Variants in BBS5 observed in about 807,000 individuals in gnomAD.
The protein encoded by BBS5 is Bardet-Biedl syndrome 5.
BBS5 carries 39 observed loss-of-function variants against 50.2 expected under a neutral mutation model. The ratio of observed to expected loss-of-function variants is 0.78; its 90% CI spans 0.60 to 1.01. The LOEUF is 1.01. Among genes scored for constraint, BBS5 ranks in the 50% least tolerant of loss-of-function variants. The probability of loss-of-function intolerance (pLI) is 0.00; values close to 1 mark genes in which losing one functional copy is unlikely to be tolerated. For synonymous variants in BBS5, 134 were observed against 133.1 expected (o/e 1.01, Z -0.05); for missense variants, 356 against 401.5 (o/e 0.89, Z 0.97).
At chr2:169,494,972 G>A (rs1477253110) in intron 7 of BBS5, among the ~76,000 whole-genome samples, 1 of 152,058 alleles carries the variant, frequency 6.6e-6, no homozygotes, top group Non-Finnish European at 1.5e-5. Context: ...CCCTATTTTT[G>A]GCTAAATTGT....
rs1234634465 is a variant in BBS5 at position 169,505,157 on chromosome 2, G to C, written c.*575G>C. 1.4e-5 allele frequency: 9 copies of C among 638,432 alleles called. No homozygotes were observed. The highest frequency in any genetic ancestry group is 2.5e-5 in the Non-Finnish European group (9 of 360,250). 39.5% of individuals were successfully genotyped at this position (638,432 alleles called of 1,614,324 possible). On this transcript the variant is annotated 3_prime_UTR_variant, in exon 12 of 12. Coordinates refer to ENST00000295240, the MANE Select transcript of BBS5 (RefSeq NM_152384.3). Reference sequence around the variant, plus strand: ...TTTTTGGTGGAGACGGGGTTTCGCTGTGTTGGCCGGGCTGGTCTCCAGCTC... The same window carrying C: ...TTTTTGGTGGAGACGGGGTTTCGCTCTGTTGGCCGGGCTGGTCTCCAGCTC...
At chr2:169,502,554 C>T (rs547363736) in intron 9 of BBS5, among the ~76,000 whole-genome samples, 1 of 152,112 alleles carries the variant, frequency 6.6e-6, no homozygotes, top group Non-Finnish European at 1.5e-5. Context: ...AAATTATAAA[C>T]CCTTTGTGAG....
At chr2:169,488,226 T>C (rs1683518955) in intron 5 of BBS5, 112 bp downstream of exon 5, 2 of 1,005,162 alleles carry the variant, frequency 2.0e-6, no homozygotes, top group Non-Finnish European at 3.1e-6. Context: ...GAAGACAGTT[T>C]TTCCACGAAT....
Position 169,492,936 on chromosome 2 carries a change from A to G in BBS5, c.449A>G (p.Lys150Arg), listed in dbSNP as rs1214512447. 1.9e-6 allele frequency: 3 copies of G among 1,612,734 alleles called. No homozygotes were observed. Among genetic ancestry groups the G allele is most frequent in the Non-Finnish European group, 2.5e-6 (3 of 1,178,882 alleles). Residue 150 changes from lysine (K) to arginine (R), a missense_variant, in exon 6 of 12, where the codon AAG becomes AGG. Coordinates refer to ENST00000295240, the MANE Select transcript of BBS5 (RefSeq NM_152384.3). ...FKLRSALIQN[K>R]QLRLLPQEHV... ...TTAAGAAGTGCACTAATTCAGAACA[A>G]GCAACTAAGACTGTTGCCACAAGAA... is the stretch of plus-strand genomic sequence containing the variant.
At chr2:169,490,567 T>A (rs1408796212) in intron 5 of BBS5, among the ~76,000 whole-genome samples, 1 of 152,172 alleles carries the variant, frequency 6.6e-6, no homozygotes, top group Non-Finnish European at 1.5e-5. Flanking sequence ...ATTGCAAATA[T>A]TATTTTTAGT....
intron 2 of BBS5, among the ~76,000 whole-genome samples, chr2:169,485,004 T>C (rs1683464962): frequency 1.3e-5 from 2 of 152,002 alleles, no homozygotes. Flanking sequence ...ATCCTAGAGA[T>C]TGTAGGAGAT....
At chr2:169,492,217 C>T (rs992855847) in intron 5 of BBS5, among the ~76,000 whole-genome samples, 7 of 151,876 alleles carry the variant, frequency 4.6e-5, no homozygotes, top group Non-Finnish European at 1.0e-4. Flanking sequence ...AGGGGCTGGG[C>T]ATGGTGGCTC....
chr2:169,487,588 G>T (rs1683508044), intron 3 of BBS5, among the ~76,000 whole-genome samples: 1 of 151,400 alleles, frequency 6.6e-6, no homozygotes, highest in Non-Finnish European at 1.5e-5. Flanking sequence ...CCTTTTTCCT[G>T]TGTTATATTT....
chr2:169,479,501 C>T lies in BBS5; in HGVS notation c.-53C>T. On this transcript the variant is annotated 5_prime_UTR_variant, in exon 1 of 12. The change creates a new upstream start codon in the 5' untranslated region. Transcript: ENST00000295240. ...GCCCGTTGCCTTGGAGCCAGAGAGA[C>T]GCAGCTAGGCCTGCACGGCTGTGGA... 2 of 1,601,566 alleles carry T rather than the reference C, an allele frequency of 1.2e-6. No individual in the cohort carries two copies. Among genetic ancestry groups the T allele is most frequent in the East Asian group, 2.2e-5 (1 of 44,736 alleles).
intron 5 of BBS5, among the ~76,000 whole-genome samples, chr2:169,491,323 T>C (rs1482910757): frequency 1.3e-5 from 2 of 152,192 alleles, no homozygotes; most frequent in Non-Finnish European, 2.9e-5. Context: ...ATAGCATAAA[T>C]AGTTTCTATT....
chr2:169,506,193 C>A lies in BBS5; in HGVS notation c.*1611C>A, dbSNP rs1247130441. 1 of 153,862 alleles carries A rather than the reference C, an allele frequency of 6.5e-6. No homozygotes were observed. The highest frequency in any genetic ancestry group is 1.4e-5 in the Non-Finnish European group (1 of 70,364). The allele number at this position is 153,862 out of a possible 1,614,324, so 9.5% of individuals were successfully genotyped here. ...GGAGGGAGGTGGGGGGGTCAGCCCCCCGCCCGGCCAGCCGCCCCGTCCGGG... is the reference window on the plus strand; with the variant it reads ...GGAGGGAGGTGGGGGGGTCAGCCCCACGCCCGGCCAGCCGCCCCGTCCGGG... On this transcript the variant is annotated 3_prime_UTR_variant, in exon 12 of 12. Coordinates refer to ENST00000295240, the MANE Select transcript of BBS5 (RefSeq NM_152384.3).
intron 1 of BBS5, 44 bp from the exon 2 acceptor site, chr2:169,482,207 G>T (rs1312075374): frequency 1.7e-6 from 2 of 1,191,588 alleles, no homozygotes; most frequent in African/African-American, 1.5e-5. Context: ...TTGCAAGCAG[G>T]TATAGTTGTA....
In BBS5 at chr2:169,499,595, G is replaced by T. The variant is rs1574342816; in HGVS notation, c.791G>T (p.Gly264Val). 6.2e-7 allele frequency: 1 copy of T among 1,613,928 alleles called. No individual in the cohort carries two copies. Among genetic ancestry groups the T allele is most frequent in the East Asian group, 2.2e-5 (1 of 44,836 alleles). The change falls in exon 9 of 12, where the codon GGA becomes GTA. Residue 264 changes from glycine to valine, a missense_variant. Physicochemically the swap from Gly to Val is moderately radical, Grantham distance 109 (BLOSUM62 -3). Coordinates refer to ENST00000295240, the MANE Select transcript of BBS5 (RefSeq NM_152384.3). ...GTCTATTCTGCCAGTCCCATATTTG[G>T]AGTTGATTATGAGATGGAAGAAAAG... The part of the protein sequence containing the change: ...HKVYSASPIF[G>V]VDYEMEEKPQ...
intron 9 of BBS5, among the ~76,000 whole-genome samples, chr2:169,501,928 T>C (rs556212707): frequency 6.6e-4 from 101 of 152,282 alleles, no homozygotes; most frequent in African/African-American, 2.2e-3. Flanking sequence ...CTAGCTGTAA[T>C]AGCTCACTGT....
intron 1 of BBS5, 112 bp downstream of exon 1, chr2:169,479,724 G>GT: frequency 8.1e-7 from 1 of 1,233,698 alleles, no homozygotes; most frequent in Non-Finnish European, 1.2e-6. Flanking sequence ...CCTGGTGAGG[G>GT]TGGGAGGCTT....
chr2:169,489,491 A>G (rs1026367280), intron 5 of BBS5, among the ~76,000 whole-genome samples: 35 of 149,124 alleles, frequency 2.3e-4, no homozygotes, highest in African/African-American at 8.5e-4. Context: ...TTTTTTTTAG[A>G]GACGGGGTCT....
intron 10 of BBS5, 75 bp downstream of exon 10, chr2:169,503,253 TGTGA>T: frequency 8.5e-7 from 1 of 1,170,214 alleles, no homozygotes; most frequent in Non-Finnish European, 1.3e-6. Flanking sequence ...TAATGGTGTG[TGTGA>T]AACACCATAT....
chr2:169,496,602 G>A (rs1431084718), intron 7 of BBS5, among the ~76,000 whole-genome samples: 1 of 149,236 alleles, frequency 6.7e-6, no homozygotes, highest in African/African-American at 2.5e-5. Flanking sequence ...GGGCGCGGTG[G>A]CTCACGCCTG....
chr2:169,499,123 C>T (rs1559125227), intron 8 of BBS5: 2 of 246,502 alleles, frequency 8.1e-6, no homozygotes, highest in Non-Finnish European at 7.9e-6. Context: ...TCACAGTCTA[C>T]AGTGTATTTT....
Sources: allele counts gnomAD v4.1 joint callset (sites outside exome capture counted in the v4.1 genomes callset), GRCh38; gene constraint gnomAD v4.1.1; transcripts MANE v1.5; gene names NCBI Gene and HGNC (gene_info 2026-07-23, HGNC 2026-07-21).